CLTC: variants seen among roughly 807,000 people sequenced by gnomAD.
The protein encoded by CLTC is clathrin heavy chain.
CLTC carries 16 observed loss-of-function variants against 195.8 expected under a neutral mutation model. That is an observed-to-expected ratio of 0.08 (90% CI 0.06 to 0.12). The LOEUF is 0.12. Among genes scored for constraint, CLTC ranks in the 10% least tolerant of loss-of-function variants. The pLI, the probability that CLTC is intolerant of heterozygous loss-of-function variation, is 1.00. For synonymous variants in CLTC, 667 were observed against 689.4 expected (o/e 0.97, Z 0.51); for missense variants, 796 against 2,027.0 (o/e 0.39, Z 11.66).
intron 4 of CLTC, among the ~76,000 whole-genome samples, chr17:59,650,547 G>A (rs1229570433): frequency 1.3e-5 from 2 of 149,034 alleles, no homozygotes; most frequent in Admixed American, 1.3e-4. Flanking sequence ...GAATGCAGTG[G>A]CACGATCCCG....
At chr17:59,624,757 C>T (rs1264533654) in intron 1 of CLTC, among the ~76,000 whole-genome samples, 1 of 152,054 alleles carries the variant, frequency 6.6e-6, no homozygotes, top group Non-Finnish European at 1.5e-5. Context: ...GCATGAGCTG[C>T]TGCTCCTGGC....
chr17:59,672,899 G>A (rs779531769), intron 14 of CLTC, among the ~76,000 whole-genome samples: 20 of 152,104 alleles, frequency 1.3e-4, no homozygotes, highest in African/African-American at 4.8e-4. Context: ...AATTCCTGAT[G>A]GAAACTGTTG....
chr17:59,691,902 G>A (rs984174640), intron 31 of CLTC, among the ~76,000 whole-genome samples: 1 of 152,042 alleles, frequency 6.6e-6, no homozygotes, highest in Non-Finnish European at 1.5e-5. Context: ...AAAGATGGGT[G>A]TAATACTTTG....
rs911275826 is a variant in CLTC, at chr17:59,683,099, G to A, written c.3878G>A (p.Arg1293His). 6.8e-6 allele frequency: 11 copies of A among 1,613,986 alleles called. No individual in the cohort carries two copies. The highest frequency in any genetic ancestry group is 1.3e-5 in the African/African-American group (1 of 75,012). ...LEELINYYQD[R>H]GYFEELITML... is the part of the protein sequence containing the mutation. ...CTGCACATTTCTCTTGTTCAGGATC[G>A]TGGCTATTTTGAAGAGCTGATCACC... The change falls in exon 25 of 32, where the codon CGT becomes CAT. Residue 1293 changes from arginine to histidine, a missense_variant. By Grantham distance (29) the Arg-to-His change is conservative (BLOSUM62 0). Around this residue, in one of 9 missense-constraint regions of CLTC, gnomAD observed 102 missense variants for 317.6 expected, o/e 0.32. Transcript: ENST00000269122. This position sits in a 1 kb window ranked among gnomAD's most constrained non-coding sequence, Gnocchi z 6.1.
Position 59,681,733 on chromosome 17 carries a change from A to C in CLTC, c.3336A>C (p.Ala1112=). 6.2e-7 allele frequency: 1 copy of C among 1,614,108 alleles called. No homozygotes were observed. Among genetic ancestry groups the C allele is most frequent in the Middle Eastern group, 1.6e-4 (1 of 6,062 alleles). Reference sequence around the variant, plus strand: ...AACCTGCGGTCTGGAGTCAACTTGCAAAAGCCCAGTTGCAGAAAGGAATGG... The same window carrying C: ...AACCTGCGGTCTGGAGTCAACTTGCCAAAGCCCAGTTGCAGAAAGGAATGG... The part of the protein sequence containing the change: ...CNEPAVWSQL[A]KAQLQKGMVK... Residue 1112 remains alanine (A), a synonymous_variant, in exon 21 of 32, where the codon GCA becomes GCC. Transcript: ENST00000269122. This position sits in a 1 kb window ranked among gnomAD's most constrained non-coding sequence, Gnocchi z 5.0.
intron 6 of CLTC, among the ~76,000 whole-genome samples, chr17:59,656,896 A>T (rs1598220358): frequency 2.0e-5 from 3 of 151,290 alleles, no homozygotes; most frequent in African/African-American, 7.3e-5. Flanking sequence ...CTGGTCTCAA[A>T]CTCCTGACCT....
At chr17:59,656,443 A>G (rs1177979506) in intron 6 of CLTC, among the ~76,000 whole-genome samples, 1 of 152,128 alleles carries the variant, frequency 6.6e-6, no homozygotes, top group Non-Finnish European at 1.5e-5. Flanking sequence ...AGCAATTATC[A>G]ACTACAGGGA....
At chr17:59,629,425 T>C (rs1008796222) in intron 1 of CLTC, among the ~76,000 whole-genome samples, 9 of 152,100 alleles carry the variant, frequency 5.9e-5, no homozygotes, top group African/African-American at 1.9e-4. Flanking sequence ...CTCCTGTGTA[T>C]GGCCTCACAG....
At chr17:59,651,497 A>G (rs936581842) in intron 5 of CLTC, among the ~76,000 whole-genome samples, 181 bp downstream of exon 5, 1 of 152,228 alleles carries the variant, frequency 6.6e-6, no homozygotes, top group Middle Eastern at 3.2e-3. Context: ...CCTTAGGCCT[A>G]TTATGAGGTT....
At chr17:59,638,327 C>A (rs1007564874) in intron 1 of CLTC, among the ~76,000 whole-genome samples, 1 of 151,940 alleles carries the variant, frequency 6.6e-6, no homozygotes, top group African/African-American at 2.4e-5. Context: ...CAGAGCAAGA[C>A]CCTGTCTCTT....
intron 1 of CLTC, among the ~76,000 whole-genome samples, chr17:59,627,389 G>A (rs1400741099): frequency 6.6e-6 from 1 of 152,178 alleles, no homozygotes. Context: ...TAGCCTTATT[G>A]TAGAGATTGG....
In CLTC at chr17:59,636,980, C is replaced by T. The variant is rs553703206; in HGVS notation, c.43-7296C>T. Among the ~76,000 whole-genome samples, 27 of 139,740 alleles carry T rather than the reference C, an allele frequency of 1.9e-4. No individual in the cohort carries two copies. The South Asian group carries it at 5.6e-3, about 29-fold the overall frequency. 91.7% of individuals were successfully genotyped at this position (139,740 alleles called of 152,430 possible). A position where few individuals can be genotyped will look rare whatever the true frequency, so the allele number is the denominator to read the frequency against. On this transcript the variant is annotated intron_variant, in intron 1 of 31. Coordinates refer to ENST00000269122, the MANE Select transcript of CLTC (RefSeq NM_004859.4). ...TATTTTTAGTAGAGATGGGGTTTTGCCATGTTGGCCAGGCTGGTCTTGAAC... is the reference window on the plus strand; with the variant it reads ...TATTTTTAGTAGAGATGGGGTTTTGTCATGTTGGCCAGGCTGGTCTTGAAC...
intron 1 of CLTC, among the ~76,000 whole-genome samples, chr17:59,632,765 A>G (rs2031761495): frequency 6.6e-6 from 1 of 152,160 alleles, no homozygotes; most frequent in South Asian, 2.1e-4. Context: ...CAGTGTCTAT[A>G]GTTTTTGAGA....
chr17:59,682,587 C>T lies in CLTC; in HGVS notation c.3601-42C>T. ...CAATTTGAAAAGAGGATTAAGCTCA[C>T]ACTAATATCTTGCTGAATGTGGGTT... On this transcript the variant is annotated intron_variant, in intron 22 of 31. Transcript: ENST00000269122. The surrounding 1 kb of genome is among the most constrained non-coding windows in gnomAD (Gnocchi z 6.8). The T allele has an allele frequency of 6.2e-7, 1 of 1,607,420 alleles. No individual in the cohort carries two copies. Among genetic ancestry groups the T allele is most frequent in the Non-Finnish European group, 8.5e-7 (1 of 1,175,240 alleles).
intron 4 of CLTC, among the ~76,000 whole-genome samples, chr17:59,649,395 G>A (rs1384609057): frequency 6.6e-6 from 1 of 152,154 alleles, no homozygotes; most frequent in Non-Finnish European, 1.5e-5. Flanking sequence ...TGTGTTCCTA[G>A]CTCCCTGTTC....
At chr17:59,625,355 G>C (rs1311165229) in intron 1 of CLTC, among the ~76,000 whole-genome samples, 2 of 151,906 alleles carry the variant, frequency 1.3e-5, no homozygotes, top group Non-Finnish European at 2.9e-5. Context: ...TCAATCTCTT[G>C]ACCTCGTGAA....
chr17:59,656,142 ACT>A, intron 6 of CLTC, 115 bp downstream of exon 6: 2 of 921,544 alleles, frequency 2.2e-6, no homozygotes, highest in Non-Finnish European at 3.1e-6. Flanking sequence ...TAAACATATT[ACT>A]GTTAGTTTTT....
Position 59,686,229 on chromosome 17 carries a change from C to G in CLTC, c.4827+421C>G, listed in dbSNP as rs1043621521. ...GAAGCTGCATGTATATTCTTAACAT[C>G]CTTTTAATCTTCACAATTTTTTTGA... On this transcript the variant is annotated intron_variant, in intron 30 of 31. Transcript: ENST00000269122. Among the ~76,000 whole-genome samples, 8 of 152,074 alleles carry G rather than the reference C, an allele frequency of 5.3e-5. No individual in the cohort carries two copies. The South Asian group carries it at 1.7e-3, about 32-fold the overall frequency.
intron 1 of CLTC, among the ~76,000 whole-genome samples, chr17:59,634,368 C>CA (rs2031806227): frequency 1.3e-5 from 2 of 152,174 alleles, no homozygotes; most frequent in Non-Finnish European, 2.9e-5. Context: ...AGATTTGGGG[C>CA]ATAAAAACTC....
Sources: gnomAD v4.1 joint callset for allele counts (sites outside exome capture counted in the v4.1 genomes callset) on GRCh38, gnomAD v4.1.1 for gene constraint, gnomAD v4.1.1 regional missense constraint, Gnocchi (gnomAD v3.1) non-coding constraint, MANE v1.5 for transcripts, NCBI Gene and HGNC (gene_info 2026-07-23, HGNC 2026-07-21) for gene names.